The following TRHDE variants were observed in gnomAD, a reference collection of about 807,000 sequenced individuals.
The protein encoded by TRHDE is thyrotropin-releasing hormone-degrading ectoenzyme.
A neutral mutation model predicts 125.7 loss-of-function variants in TRHDE; 72 were observed. The ratio of observed to expected loss-of-function variants is 0.57; its 90% CI spans 0.47 to 0.70. The LOEUF (loss-of-function observed/expected upper bound fraction) is 0.70. Ranked by LOEUF, TRHDE falls within the 30% of genes least tolerant of loss-of-function variation. The probability of loss-of-function intolerance (pLI) is 0.00; values close to 1 mark genes in which losing one functional copy is unlikely to be tolerated. For synonymous variants in TRHDE, 509 were observed against 509.1 expected (o/e 1.00, Z 0.00); for missense variants, 1,110 against 1,327.1 (o/e 0.84, Z 2.54).
chr12:72,658,307 A>C (rs1049704919), intron 18 of TRHDE, among the ~76,000 whole-genome samples: 19 of 152,234 alleles, frequency 1.2e-4, no homozygotes, highest in Non-Finnish European at 2.8e-4. Flanking sequence ...TAAATGAAGT[A>C]CTTTTAATTT....
intron 12 of TRHDE, among the ~76,000 whole-genome samples, chr12:72,606,911 T>A (rs1009236614): frequency 6.6e-6 from 1 of 152,094 alleles, no homozygotes; most frequent in African/African-American, 2.4e-5. Flanking sequence ...TAATAATAAT[T>A]ATTATTAAAC....
At chr12:72,119,916 T>G (rs1299492356) in intron 2 of TRHDE, among the ~76,000 whole-genome samples, 1 of 152,184 alleles carries the variant, frequency 6.6e-6, no homozygotes, top group African/African-American at 2.4e-5. Flanking sequence ...ATGTGTGTCT[T>G]TATAGGTGAA....
chr12:72,607,739 G>T (rs142993496), intron 12 of TRHDE, among the ~76,000 whole-genome samples: 3 of 152,184 alleles, frequency 2.0e-5, no homozygotes, highest in Middle Eastern at 3.4e-3. Flanking sequence ...TGGCCAGGAG[G>T]TTCTTTAAGT....
intron 7 of TRHDE, among the ~76,000 whole-genome samples, chr12:72,549,761 A>C (rs886572984): frequency 6.6e-6 from 1 of 151,812 alleles, no homozygotes; most frequent in Non-Finnish European, 1.5e-5. Flanking sequence ...TAAAAATTCC[A>C]TCTTTAATAC....
intron 3 of TRHDE, among the ~76,000 whole-genome samples, chr12:72,389,903 T>C (rs984278034): frequency 6.6e-6 from 1 of 152,134 alleles, no homozygotes; most frequent in Non-Finnish European, 1.5e-5. Context: ...TGCATTAATC[T>C]AAGAAATAAT....
chr12:72,269,267 A>G (rs1420018189), upstream of TRHDE, among the ~76,000 whole-genome samples: 1 of 152,160 alleles, frequency 6.6e-6, no homozygotes, highest in Non-Finnish European at 1.5e-5. Context: ...CCTTTGTAAC[A>G]CTGATATGAA....
intron 15 of TRHDE, among the ~76,000 whole-genome samples, chr12:72,638,304 T>G: frequency 6.6e-6 from 1 of 151,754 alleles, no homozygotes; most frequent in Non-Finnish European, 1.5e-5. Context: ...AAAGTCTGTT[T>G]TATCAGAGAC....
chr12:72,205,651 C>T (rs1466368682), intron 2 of TRHDE, among the ~76,000 whole-genome samples: 1 of 152,186 alleles, frequency 6.6e-6, no homozygotes, highest in East Asian at 1.9e-4. Context: ...AACGTAATAT[C>T]TTCAAGGTTC....
chr12:72,193,262 C>T (rs1011790114), intron 2 of TRHDE, among the ~76,000 whole-genome samples: 1 of 152,004 alleles, frequency 6.6e-6, no homozygotes, highest in African/African-American at 2.4e-5. Context: ...TCAGCATGTT[C>T]CATTTCAGCC....
intron 3 of TRHDE, among the ~76,000 whole-genome samples, chr12:72,462,842 C>T (rs937221035): frequency 7.9e-5 from 12 of 152,160 alleles, no homozygotes; most frequent in African/African-American, 2.9e-4. Context: ...GCCCTACCTG[C>T]ACTCCCCAAC....
At position 72,352,505 on chromosome 12, in the gene TRHDE, A is replaced by T. The variant is rs538819544; in HGVS notation, c.1189-25490A>T. On this transcript the variant is annotated intron_variant, in intron 2 of 18. Coordinates refer to ENST00000261180, the MANE Select transcript of TRHDE (RefSeq NM_013381.3). ...TTTATATGAAATATACTTTTTTAAG[A>T]TGAAGACAGTTACTTTTGTACTGAA... 3.9e-5 allele frequency among the ~76,000 whole-genome samples: 6 copies of T among 151,914 alleles called. No homozygotes were observed. The East Asian group carries it at 1.2e-3, about 29-fold the overall frequency.
intron 2 of TRHDE, among the ~76,000 whole-genome samples, chr12:72,304,964 G>A (rs999791674): frequency 6.6e-6 from 1 of 152,090 alleles, no homozygotes; most frequent in Non-Finnish European, 1.5e-5. Flanking sequence ...AATGTCCCAC[G>A]TGTCTGTCAT....
chr12:72,230,158 A>G (rs765253872), intron 2 of TRHDE, among the ~76,000 whole-genome samples: 1 of 152,196 alleles, frequency 6.6e-6, no homozygotes, highest in Admixed American at 6.5e-5. Context: ...CTGTAAAAAA[A>G]ACTTGCAAAA....
chr12:72,324,954 TA>T (rs1869272334), intron 2 of TRHDE, among the ~76,000 whole-genome samples: 1 of 152,264 alleles, frequency 6.6e-6, no homozygotes, highest in African/African-American at 2.4e-5. Context: ...CTGGTGATCA[TA>T]ATCCTAAATG....
chr12:72,442,125 C>T (rs1875044836), intron 3 of TRHDE, among the ~76,000 whole-genome samples: 1 of 151,900 alleles, frequency 6.6e-6, no homozygotes, highest in Admixed American at 6.6e-5. Flanking sequence ...CATCCTGCTT[C>T]ATCCCGCTCC....
intron 3 of TRHDE, among the ~76,000 whole-genome samples, chr12:72,468,448 A>T (rs1005814524): frequency 6.6e-6 from 1 of 152,220 alleles, no homozygotes; most frequent in African/African-American, 2.4e-5. Context: ...TACCATAGCG[A>T]ACATTCTTGT....
chr12:72,091,346 T>G (rs1377864555), intron 1 of TRHDE, among the ~76,000 whole-genome samples: 2 of 152,164 alleles, frequency 1.3e-5, no homozygotes, highest in Non-Finnish European at 2.9e-5. Flanking sequence ...ATGGACAACC[T>G]GCATCCTGTA....
intron 2 of TRHDE, among the ~76,000 whole-genome samples, chr12:72,368,572 G>A (rs1453362675): frequency 6.6e-6 from 1 of 152,010 alleles, no homozygotes; most frequent in Non-Finnish European, 1.5e-5. Context: ...CTAAATTATA[G>A]GACCATGTTA....
At chr12:72,642,241 C>T (rs193168322) in intron 15 of TRHDE, among the ~76,000 whole-genome samples, 58 of 152,266 alleles carry the variant, frequency 3.8e-4, no homozygotes, top group Non-Finnish European at 4.7e-4. Flanking sequence ...CTTGGTGAAA[C>T]ATTTTTCCTG....
Sources: gnomAD v4.1 joint callset for allele counts (sites outside exome capture counted in the v4.1 genomes callset) on GRCh38, gnomAD v4.1.1 for gene constraint, MANE v1.5 for transcripts, NCBI Gene and HGNC (gene_info 2026-07-23, HGNC 2026-07-21) for gene names.